PDZRN4: variants seen among roughly 807,000 people sequenced by gnomAD.
PDZRN4 encodes the protein PDZ domain containing ring finger 4.
PDZRN4 carries 70 observed loss-of-function variants against 99.0 expected under a neutral mutation model. The observed-to-expected ratio is 0.71, with a 90% CI of 0.58 to 0.86. The LOEUF is 0.86. PDZRN4 is among the 40% of genes least tolerant of loss of function. The probability of loss-of-function intolerance (pLI) is 0.00; values close to 1 mark genes in which losing one functional copy is unlikely to be tolerated. For synonymous variants in PDZRN4, 551 were observed against 501.6 expected, an observed-to-expected ratio of 1.10 and a Z score of -1.32; for missense variants, 1,474 against 1,331.2, an observed-to-expected ratio of 1.11 and a Z score of -1.67.
At chr12:41,538,716 A>G (rs1254757568) in intron 5 of PDZRN4, among the ~76,000 whole-genome samples, 1 of 152,172 alleles carries the variant, frequency 6.6e-6, no homozygotes, top group Non-Finnish European at 1.5e-5. Context: ...CATTAAAATT[A>G]GTTTGATGAA....
At chr12:41,227,911 A>T (rs1220909782) in intron 3 of PDZRN4, among the ~76,000 whole-genome samples, 4 of 146,786 alleles carry the variant, frequency 2.7e-5, no homozygotes, top group Middle Eastern at 3.5e-3. Context: ...ACACACACAC[A>T]CACACACACC....
At chr12:41,294,983 A>G (rs1040799478) in intron 3 of PDZRN4, among the ~76,000 whole-genome samples, 1 of 151,538 alleles carries the variant, frequency 6.6e-6, no homozygotes, top group Non-Finnish European at 1.5e-5. Flanking sequence ...CTAGAAAGGG[A>G]AATGTGGTCA....
chr12:41,308,970 GA>G (rs1236280477), intron 3 of PDZRN4, among the ~76,000 whole-genome samples: 1 of 151,502 alleles, frequency 6.6e-6, no homozygotes, highest in Non-Finnish European at 1.5e-5. Context: ...TTCCATTTGG[GA>G]AAAAAAGCTT....
chr12:41,395,080 C>T (rs1475971998), intron 3 of PDZRN4, among the ~76,000 whole-genome samples: 1 of 152,046 alleles, frequency 6.6e-6, no homozygotes, highest in Admixed American at 6.6e-5. Flanking sequence ...ATACACCCAC[C>T]CCTGTCCAGG....
At chr12:41,523,403 G>C (rs888791997) in intron 5 of PDZRN4, among the ~76,000 whole-genome samples, 6 of 152,226 alleles carry the variant, frequency 3.9e-5, no homozygotes, top group African/African-American at 1.4e-4. Context: ...ACGTGGAAGC[G>C]TCTAGAAAGT....
chr12:41,236,750 A>AT lies in PDZRN4; in HGVS notation c.843+42568dup, dbSNP rs374505532. Among the ~76,000 whole-genome samples the AT allele has an allele frequency of 1.9e-3, 282 of 152,096 alleles. 1 individual carries two copies. The highest frequency in any genetic ancestry group is 6.4e-3 in the African/African-American group (267 of 41,512). ...GTGAAACAATTAGACCTAGATCTTA[A>AT]TTTTTTCTTCCCACTTTATTAGCTC... On this transcript the variant is annotated intron_variant, in intron 3 of 9. Coordinates refer to ENST00000402685, the MANE Select transcript of PDZRN4 (RefSeq NM_001164595.2).
At chr12:41,506,361 C>A in intron 3 of PDZRN4, 95 bp from the exon 4 acceptor site, 3 of 1,131,782 alleles carry the variant, frequency 2.7e-6, no homozygotes, top group South Asian at 1.6e-5. Flanking sequence ...CATATCAGGG[C>A]TGGTTGAAAC....
chr12:41,369,744 G>C (rs886596820), intron 3 of PDZRN4, among the ~76,000 whole-genome samples: 1 of 151,824 alleles, frequency 6.6e-6, no homozygotes, highest in Non-Finnish European at 1.5e-5. Flanking sequence ...AATAATGTTT[G>C]CTCTTTATAA....
intron 3 of PDZRN4, among the ~76,000 whole-genome samples, chr12:41,421,536 A>G (rs1952490679): frequency 6.6e-6 from 1 of 152,154 alleles, no homozygotes; most frequent in Non-Finnish European, 1.5e-5. Context: ...GATAAAATAA[A>G]TGTTGGCACT....
At chr12:41,254,643 G>C (rs1041796267) in intron 3 of PDZRN4, among the ~76,000 whole-genome samples, 5 of 152,238 alleles carry the variant, frequency 3.3e-5, no homozygotes, top group African/African-American at 1.2e-4. Context: ...AGACAAGACA[G>C]ATCCTCTGCA....
chr12:41,259,791 T>C (rs1201495081), intron 3 of PDZRN4, among the ~76,000 whole-genome samples: 3 of 152,190 alleles, frequency 2.0e-5, no homozygotes, highest in African/African-American at 7.2e-5. Context: ...CTAATCAGCT[T>C]AGTTTTAGCC....
intron 3 of PDZRN4, among the ~76,000 whole-genome samples, chr12:41,199,175 A>G (rs982892234): frequency 6.6e-6 from 1 of 152,176 alleles, no homozygotes; most frequent in African/African-American, 2.4e-5. Flanking sequence ...TTGATGCATA[A>G]GAAGCATTTA....
intron 3 of PDZRN4, among the ~76,000 whole-genome samples, chr12:41,413,404 G>A (rs999593918): frequency 6.6e-6 from 1 of 152,116 alleles, no homozygotes; most frequent in Admixed American, 6.5e-5. Flanking sequence ...ATTTGTTAAA[G>A]TATATAAGAG....
chr12:41,479,783 G>A (rs1235005667), intron 3 of PDZRN4, among the ~76,000 whole-genome samples: 1 of 151,628 alleles, frequency 6.6e-6, no homozygotes, highest in Non-Finnish European at 1.5e-5. Context: ...GAATATGAGA[G>A]CCCAGAAAAT....
At chr12:41,496,819 C>T (rs147099197) in intron 3 of PDZRN4, among the ~76,000 whole-genome samples, 2 of 152,164 alleles carry the variant, frequency 1.3e-5, no homozygotes, top group Non-Finnish European at 2.9e-5. Flanking sequence ...CAAGTATGTG[C>T]CAAGCACATT....
chr12:41,399,068 T>TA (rs1164147242), intron 3 of PDZRN4, among the ~76,000 whole-genome samples: 1 of 152,092 alleles, frequency 6.6e-6, no homozygotes, highest in Admixed American at 6.6e-5. Context: ...GGATCTTAGC[T>TA]AAAAAACAGA....
chr12:41,353,703 G>A (rs1034294018), intron 3 of PDZRN4, among the ~76,000 whole-genome samples: 1 of 152,038 alleles, frequency 6.6e-6, no homozygotes, highest in African/African-American at 2.4e-5. Context: ...GGGCTGCCTG[G>A]CCTCTCTTGT....
chr12:41,285,535 A>G (rs1238412129), intron 3 of PDZRN4, among the ~76,000 whole-genome samples: 1 of 152,178 alleles, frequency 6.6e-6, no homozygotes, highest in African/African-American at 2.4e-5. Flanking sequence ...AAATCATTCT[A>G]CTATAAAGAT....
chr12:41,414,178 G>A (rs1044720017), intron 3 of PDZRN4, among the ~76,000 whole-genome samples: 1 of 152,132 alleles, frequency 6.6e-6, no homozygotes, highest in African/African-American at 2.4e-5. Flanking sequence ...TGAGAAGTCT[G>A]TTGTTAGCCT....
Sources: gnomAD v4.1 joint callset for allele counts (sites outside exome capture counted in the v4.1 genomes callset) on GRCh38, gnomAD v4.1.1 for gene constraint, MANE v1.5 for transcripts, NCBI Gene and HGNC (gene_info 2026-07-23, HGNC 2026-07-21) for gene names.